RASD2: variants seen among roughly 807,000 people sequenced by gnomAD.
RASD2 encodes GTP-binding protein Rhes.
RASD2 carries 7 observed loss-of-function variants against 15.8 expected under a neutral mutation model. The observed-to-expected ratio is 0.44, with a 90% CI of 0.25 to 0.83. RASD2 has a LOEUF of 0.83. Among genes scored for constraint, RASD2 ranks in the 40% least tolerant of loss-of-function variants. RASD2 has a pLI of 0.20. For missense variants in RASD2, 274 were observed against 382.8 expected, an observed-to-expected ratio of 0.72 and a Z score of 2.37; for synonymous variants, 155 against 153.6, an observed-to-expected ratio of 1.01 and a Z score of -0.07.
chr22:35,540,369 C>A (rs1219621630), upstream of RASD2, among the ~76,000 whole-genome samples: 1 of 149,846 alleles, frequency 6.7e-6, no homozygotes, highest in African/African-American at 2.4e-5. Context: ...AACCGCAGAC[C>A]GCGGCGCCCC....
upstream of RASD2, among the ~76,000 whole-genome samples, chr22:35,540,302 C>A (rs1245878037): frequency 6.6e-6 from 1 of 151,542 alleles, no homozygotes; most frequent in Non-Finnish European, 1.5e-5. Flanking sequence ...CCCGGGCCGC[C>A]TTCTGGGCAA....
At chr22:35,540,504 G>C (rs939866862), upstream of RASD2, among the ~76,000 whole-genome samples, 1 of 150,834 alleles carries the variant, frequency 6.6e-6, no homozygotes, top group East Asian at 1.9e-4. Context: ...AGACGCTGGC[G>C]CTGGGCGGCG....
chr22:35,540,576 G>A (rs1461076285), upstream of RASD2, among the ~76,000 whole-genome samples: 30 of 151,814 alleles, frequency 2.0e-4, no homozygotes, highest in Non-Finnish European at 3.7e-4. Flanking sequence ...GGCGCGGGAG[G>A]GTGCCGCTGG....
chr22:35,547,137 G>A (rs1214186844), intron 2 of RASD2, 57 bp downstream of exon 2: 1 of 1,539,670 alleles, frequency 6.5e-7, no homozygotes, highest in Non-Finnish European at 8.8e-7. Flanking sequence ...GGTGCGGAGT[G>A]TGCTGGGCAC....
At chr22:35,550,138 C>A (rs1934621135) in intron 2 of RASD2, among the ~76,000 whole-genome samples, 3 of 152,086 alleles carry the variant, frequency 2.0e-5, no homozygotes, top group African/African-American at 7.2e-5. Context: ...TGATGGGCAC[C>A]TGTAATCCCA....
chr22:35,550,958 G>A (rs931798210), intron 2 of RASD2, among the ~76,000 whole-genome samples: 1 of 152,164 alleles, frequency 6.6e-6, no homozygotes, highest in Non-Finnish European at 1.5e-5. Flanking sequence ...ATGTGCCACT[G>A]TCCATTCATT....
rs1934524104 is a variant in RASD2 at position 35,547,005 on chromosome 22, A to G, written c.196A>G (p.Met66Val). ...HRKVYNIRGD[M>V]YQLDILDTSG... ...TAAGGTATACAACATCCGCGGCGAC[A>G]TGTACCAGCTCGACATCCTGGATAC... is the stretch of plus-strand genomic sequence containing the variant. The change falls in exon 2 of 3, where the codon ATG becomes GTG. Residue 66 changes from methionine to valine, a missense_variant. Coordinates refer to ENST00000216127, the MANE Select transcript of RASD2 (RefSeq NM_014310.4). 4.3e-6 allele frequency: 7 copies of G among 1,614,096 alleles called. No individual in the cohort carries two copies. The highest frequency in any genetic ancestry group is 5.1e-6 in the Non-Finnish European group (6 of 1,180,026).
At chr22:35,546,722 C>G in intron 1 of RASD2, 79 bp from the exon 2 acceptor site, 1 of 1,516,540 alleles carries the variant, frequency 6.6e-7, no homozygotes, top group Non-Finnish European at 8.8e-7. Flanking sequence ...GAGTCCTAGA[C>G]AGAGGCCTAG....
At chr22:35,550,318 G>C (rs146519684) in intron 2 of RASD2, among the ~76,000 whole-genome samples, 37 of 151,688 alleles carry the variant, frequency 2.4e-4, no homozygotes, top group Non-Finnish European at 2.9e-5. Flanking sequence ...ACAGGCGCCT[G>C]TAATCCCAGC....
At position 35,552,156 on chromosome 22, in the gene RASD2, T is replaced by C. The variant is rs954960023; in HGVS notation, c.*124T>C. 24 of 1,306,696 alleles carry C rather than the reference T, an allele frequency of 1.8e-5. No homozygotes were observed. The highest frequency in any genetic ancestry group is 2.5e-5 in the Non-Finnish European group (24 of 973,902). 80.9% of individuals were successfully genotyped at this position (1,306,696 alleles called of 1,614,324 possible). A position where few individuals can be genotyped will look rare whatever the true frequency, so the allele number is the denominator to read the frequency against. ...TGTTCACAGACCTTAGGCACCAGAC[T>C]GGAGGCCCCCGGGCGCTGGCCTCCG... On this transcript the variant is annotated 3_prime_UTR_variant, in exon 3 of 3. Transcript: ENST00000216127.
chr22:35,546,870 C>A lies in RASD2; in HGVS notation c.61C>A (p.Arg21Ser). The A allele has an allele frequency of 6.2e-7, 1 of 1,613,712 alleles. No homozygotes were observed. Among genetic ancestry groups the A allele is most frequent in the Non-Finnish European group, 8.5e-7 (1 of 1,179,860 alleles). Reference sequence around the variant, plus strand: ...CAGTGTGCCCGCCAAAAACTCATACCGCATGGTGGTGCTGGGTGCCTCTCG... The same window carrying A: ...CAGTGTGCCCGCCAAAAACTCATACAGCATGGTGGTGCTGGGTGCCTCTCG... ...TLSVPAKNSY[R>S]MVVLGASRVG... is the part of the protein sequence containing the mutation. The change falls in exon 2 of 3, where the codon CGC (arginine) becomes AGC (serine). Residue 21 changes from arginine to serine, a missense_variant. Coordinates refer to ENST00000216127, the MANE Select transcript of RASD2 (RefSeq NM_014310.4).
chr22:35,534,623 T>C, the RASD2 span, among the ~76,000 whole-genome samples: 4 of 152,186 alleles, frequency 2.6e-5, no homozygotes, highest in Non-Finnish European at 4.4e-5. Flanking sequence ...GTCATCATAG[T>C]TCCCTGCAAA....
chr22:35,552,367 T>G lies in RASD2; in HGVS notation c.*335T>G. On this transcript the variant is annotated 3_prime_UTR_variant, in exon 3 of 3. Transcript: ENST00000216127. Reference sequence around the variant, plus strand: ...CAGAGGGGTGAGGATTGCTGCGTCATATGGAGCCTCCTGGGACAAGCCTCA... The same window carrying G: ...CAGAGGGGTGAGGATTGCTGCGTCAGATGGAGCCTCCTGGGACAAGCCTCA... 1 of 325,550 alleles carries G rather than the reference T, an allele frequency of 3.1e-6. No individual in the cohort carries two copies. The highest frequency in any genetic ancestry group is 5.7e-6 in the Non-Finnish European group (1 of 176,060). 20.2% of individuals were successfully genotyped at this position (325,550 alleles called of 1,614,324 possible). A position where few individuals can be genotyped will look rare whatever the true frequency, so the allele number is the denominator to read the frequency against.
At position 35,551,470 on chromosome 22, in the gene RASD2, G is replaced by T; in HGVS notation, c.272-33G>T. The T allele has an allele frequency of 1.3e-6, 2 of 1,589,010 alleles. No individual in the cohort carries two copies. The highest frequency in any genetic ancestry group is 2.3e-5 in the South Asian group (2 of 88,760). The stretch of plus-strand genomic sequence containing the variant: ...AGGAGGGCAGGGGTTGCAGCTGGCC[G>T]GTGAACTCACTACCTGGGCTCTCTC... On this transcript the variant is annotated intron_variant, in intron 2 of 2. Coordinates refer to ENST00000216127, the MANE Select transcript of RASD2 (RefSeq NM_014310.4). This position sits in a 1 kb window ranked among gnomAD's most constrained non-coding sequence, Gnocchi z 4.9.
intron 2 of RASD2, 75 bp downstream of exon 2, chr22:35,547,155 T>TTAC (rs1934528661): frequency 1.4e-6 from 2 of 1,480,818 alleles, no homozygotes; most frequent in South Asian, 2.5e-5. Flanking sequence ...CACTTGGCAG[T>TTAC]TTGCATAGAC....
upstream of RASD2, among the ~76,000 whole-genome samples, chr22:35,540,436 G>A (rs1304210400): frequency 4.0e-5 from 6 of 148,962 alleles, no homozygotes; most frequent in East Asian, 9.7e-4. Context: ...CCCATTGGCC[G>A]GGCGCCGGGG....
At chr22:35,543,241 C>T (rs1934398485) in intron 1 of RASD2, among the ~76,000 whole-genome samples, 1 of 152,158 alleles carries the variant, frequency 6.6e-6, no homozygotes, top group Non-Finnish European at 1.5e-5. Flanking sequence ...TTCTGGCTTC[C>T]ACCTGTCCTC....
rs1234159123 is a variant in RASD2 at position 35,542,472 on chromosome 22, AG to A, written c.-10+975del. On this transcript the variant is annotated intron_variant, in intron 1 of 2. Transcript: ENST00000216127. ...CCCCAGGAAGCCAAGTCATTTGCCC[AG>A]GGCTGCCGGGCTGGTGAGAGGCAGA... is the stretch of plus-strand genomic sequence containing the variant. Among the ~76,000 whole-genome samples the A allele has an allele frequency of 7.2e-5, 11 of 152,342 alleles. No individual in the cohort carries two copies. The East Asian group carries it at 1.9e-3, about 27-fold the overall frequency.
chr22:35,542,518 ATGCC>A (rs1934378020), intron 1 of RASD2, among the ~76,000 whole-genome samples: 1 of 152,162 alleles, frequency 6.6e-6, no homozygotes, highest in East Asian at 1.9e-4. Context: ...CCAGAAGTGG[ATGCC>A]TGCCTACCTT....
Sources: allele counts gnomAD v4.1 joint callset (sites outside exome capture counted in the v4.1 genomes callset), GRCh38; gene constraint gnomAD v4.1.1; non-coding constraint Gnocchi (gnomAD v3.1); transcripts MANE v1.5; gene names NCBI Gene and HGNC (gene_info 2026-07-23, HGNC 2026-07-21).